Variants in SCARA3 observed in about 807,000 individuals in gnomAD.
The protein encoded by SCARA3 is cellular stress response gene protein.
SCARA3 carries 39 observed loss-of-function variants against 47.0 expected under a neutral mutation model. That is an observed-to-expected ratio of 0.83 (90% CI 0.64 to 1.08). The LOEUF is 1.08. SCARA3 is among the 50% of genes least tolerant of loss of function. SCARA3 has a pLI of 0.00. For missense variants in SCARA3, 724 were observed against 792.3 expected (o/e 0.91, Z 1.04); for synonymous variants, 356 against 334.1 (o/e 1.07, Z -0.71).
the SCARA3 span, among the ~76,000 whole-genome samples, chr8:27,705,121 C>T: frequency 6.6e-6 from 1 of 152,194 alleles, no homozygotes; most frequent in African/African-American, 2.4e-5. Context: ...CTGCATCCCC[C>T]ATCAAAACTC....
the SCARA3 span, chr8:27,703,882 G>C: frequency 1.2e-5 from 1 of 84,076 alleles, no homozygotes; most frequent in Non-Finnish European, 2.2e-5. Context: ...TTTACAGTGA[G>C]AAAAAAATAC....
intron 5 of SCARA3, among the ~76,000 whole-genome samples, chr8:27,670,480 T>G (rs970987242): frequency 3.9e-5 from 6 of 152,124 alleles, no homozygotes; most frequent in African/African-American, 1.4e-4. Flanking sequence ...ATGCCCCACT[T>G]TCTTAGTTTT....
the SCARA3 span, among the ~76,000 whole-genome samples, chr8:27,690,279 G>T: frequency 7.7e-6 from 1 of 130,218 alleles, no homozygotes; most frequent in Non-Finnish European, 1.6e-5. Flanking sequence ...CAGCACATGA[G>T]CAGCCAGCGC....
the SCARA3 span, among the ~76,000 whole-genome samples, chr8:27,684,569 C>T: frequency 1.3e-5 from 2 of 151,768 alleles, no homozygotes; most frequent in Admixed American, 6.6e-5. Flanking sequence ...ACCTATAGTC[C>T]CAGCTACTTG....
chr8:27,651,444 C>G, intron 2 of SCARA3, 64 bp from the exon 3 acceptor site: 1 of 1,578,378 alleles, frequency 6.3e-7, no homozygotes, highest in Admixed American at 1.7e-5. Context: ...GAACATGGAA[C>G]TGACCCTTCA....
chr8:27,730,855 C>G, the SCARA3 span, among the ~76,000 whole-genome samples: 1 of 151,786 alleles, frequency 6.6e-6, no homozygotes, highest in African/African-American at 2.4e-5. Flanking sequence ...ACACTTTCAC[C>G]CTATTCCCGT....
the SCARA3 span, among the ~76,000 whole-genome samples, chr8:27,692,970 A>T: frequency 1.3e-5 from 2 of 151,998 alleles, no homozygotes; most frequent in Non-Finnish European, 2.9e-5. Flanking sequence ...ACAAAAAAAT[A>T]CAAAAATTAG....
chr8:27,680,090 A>T (rs1267285385), downstream of SCARA3, among the ~76,000 whole-genome samples: 1 of 152,174 alleles, frequency 6.6e-6, no homozygotes, highest in Non-Finnish European at 1.5e-5. Context: ...AGCAATGCTT[A>T]GGAAATTTAG....
chr8:27,674,753 G>A (rs1802238260), downstream of SCARA3, among the ~76,000 whole-genome samples: 1 of 111,790 alleles, frequency 8.9e-6, no homozygotes, highest in Non-Finnish European at 1.8e-5. Flanking sequence ...TTTTTGAGAT[G>A]GAGTCTTGCT....
intron 5 of SCARA3, among the ~76,000 whole-genome samples, chr8:27,661,924 T>C (rs1801921119): frequency 6.6e-6 from 1 of 152,222 alleles, no homozygotes; most frequent in Admixed American, 6.5e-5. Flanking sequence ...ACTTCCATTG[T>C]GGAGTAGCAG....
Position 27,642,088 on chromosome 8 carries a change from T to C in SCARA3, c.8-7614T>C, listed in dbSNP as rs1801394524. Among the ~76,000 whole-genome samples, 4 of 152,356 alleles carry C rather than the reference T, an allele frequency of 2.6e-5. No homozygotes were observed. In the South Asian group the frequency reaches 8.3e-4, roughly 32 times the overall value. On this transcript the variant is annotated intron_variant, in intron 1 of 5. Transcript: ENST00000301904. ...GCAGGACTTTTCAAAATGCTTACTA[T>C]GTGAATGTGAATCTCTAAGATGGCG... is the stretch of plus-strand genomic sequence containing the variant.
the SCARA3 span, among the ~76,000 whole-genome samples, chr8:27,724,476 A>G: frequency 6.6e-6 from 1 of 152,126 alleles, no homozygotes; most frequent in South Asian, 2.1e-4. Flanking sequence ...AGCCTGGCCA[A>G]CATGAATTCT....
At chr8:27,717,358 C>T in the SCARA3 span, among the ~76,000 whole-genome samples, 5 of 152,132 alleles carry the variant, frequency 3.3e-5, no homozygotes, top group African/African-American at 4.8e-5. Flanking sequence ...ACGACACCAA[C>T]GAACAACATA....
At chr8:27,704,953 T>A in the SCARA3 span, among the ~76,000 whole-genome samples, 1 of 152,202 alleles carries the variant, frequency 6.6e-6, no homozygotes, top group Non-Finnish European at 1.5e-5. Context: ...AGTGGATGTT[T>A]GCTTCAGAAG....
downstream of SCARA3, among the ~76,000 whole-genome samples, chr8:27,680,359 A>T (rs503508): frequency 0.67 from 101,190 of 151,860 alleles, 34,576 homozygotes; most frequent in Non-Finnish European, 0.75. Context: ...AGAAACAACA[A>T]TAGTAATGAA....
At chr8:27,702,982 C>G in the SCARA3 span, 2 of 152,478 alleles carry the variant, frequency 1.3e-5, no homozygotes, top group African/African-American at 4.8e-5. Flanking sequence ...ACTCGCAGCT[C>G]TCCCTCCTCA....
intron 2 of SCARA3, 55 bp downstream of exon 2, chr8:27,649,855 T>C: frequency 6.8e-7 from 1 of 1,467,684 alleles, no homozygotes; most frequent in Admixed American, 1.8e-5. Context: ...GATCCCTGTC[T>C]CCATCCCCAG....
the SCARA3 span, among the ~76,000 whole-genome samples, chr8:27,730,394 C>T: frequency 3.9e-5 from 6 of 152,156 alleles, no homozygotes; most frequent in Non-Finnish European, 1.5e-5. Context: ...AGCCCCTCCC[C>T]CTTCCCTGTA....
chr8:27,665,414 T>C (rs373586348), intron 5 of SCARA3, among the ~76,000 whole-genome samples: 3 of 152,298 alleles, frequency 2.0e-5, no homozygotes, highest in African/African-American at 4.8e-5. Flanking sequence ...GTAATTTCAG[T>C]GTCTGTGCTA....
Sources: allele counts gnomAD v4.1 joint callset (sites outside exome capture counted in the v4.1 genomes callset), GRCh38; gene constraint gnomAD v4.1.1; transcripts MANE v1.5; gene names NCBI Gene and HGNC (gene_info 2026-07-23, HGNC 2026-07-21).